Variants in FBXL17 observed in about 807,000 individuals in gnomAD.
FBXL17 encodes the protein F-box/LRR-repeat protein 17.
A neutral mutation model predicts 66.2 loss-of-function variants in FBXL17; 22 were observed. That is an observed-to-expected ratio of 0.33 (90% CI 0.24 to 0.47). The LOEUF (loss-of-function observed/expected upper bound fraction) is 0.47, where lower values mean the gene tolerates loss of function less well. Among genes scored for constraint, FBXL17 ranks in the 20% least tolerant of loss-of-function variants. The pLI, the probability that FBXL17 is intolerant of heterozygous loss-of-function variation, is 1.00. For synonymous variants in FBXL17, 474 were observed against 400.5 expected, an observed-to-expected ratio of 1.18 and a Z score of -2.19; for missense variants, 878 against 948.2, an observed-to-expected ratio of 0.93 and a Z score of 0.97.
intron 7 of FBXL17, among the ~76,000 whole-genome samples, chr5:107,932,471 C>G (rs770202888): frequency 6.6e-6 from 1 of 152,128 alleles, no homozygotes; most frequent in Non-Finnish European, 1.5e-5. Flanking sequence ...GTGCTCTTTA[C>G]TACTCAATCT....
chr5:108,157,899 C>T (rs1321711562), intron 6 of FBXL17, among the ~76,000 whole-genome samples: 2 of 151,856 alleles, frequency 1.3e-5, no homozygotes, highest in Non-Finnish European at 2.9e-5. Context: ...ATACTCATTG[C>T]CATTTTATTT....
intron 6 of FBXL17, among the ~76,000 whole-genome samples, chr5:108,061,086 AG>A (rs1164350021): frequency 2.0e-5 from 3 of 152,056 alleles, no homozygotes; most frequent in African/African-American, 7.2e-5. Flanking sequence ...CAGGAGTTCA[AG>A]GCCAGCCTGA....
chr5:108,274,475 T>C (rs1467087809), intron 4 of FBXL17, among the ~76,000 whole-genome samples: 1 of 152,186 alleles, frequency 6.6e-6, no homozygotes, highest in Non-Finnish European at 1.5e-5. Context: ...ACGTTGCTGT[T>C]ATCCTGTTCT....
At position 107,881,087 on chromosome 5, in the gene FBXL17, C is replaced by T; in HGVS notation, c.1915G>A (p.Ala639Thr). Reference protein sequence around the residue: ...EITDQGATLIAQSSKSLRYLG... With the variant: ...EITDQGATLITQSSKSLRYLG... ...TATCTCAGAGACTTGCTGCTCTGTG[C>T]AATCAGGGTGGCTCCTTGGTCTGTG... is the stretch of plus-strand genomic sequence containing the variant. Residue 639 changes from alanine (A) to threonine (T), a missense_variant, in exon 8 of 9, where the codon GCA (alanine) becomes ACA (threonine). Physicochemically the swap from Ala to Thr is moderately conservative, Grantham distance 58 (BLOSUM62 0). Transcript: ENST00000542267. 6.2e-7 allele frequency: 1 copy of T among 1,614,010 alleles called. No homozygotes were observed. The highest frequency in any genetic ancestry group is 8.5e-7 in the Non-Finnish European group (1 of 1,179,900).
chr5:108,348,985 T>C (rs1747468866), intron 3 of FBXL17, among the ~76,000 whole-genome samples: 1 of 152,008 alleles, frequency 6.6e-6, no homozygotes, highest in Non-Finnish European at 1.5e-5. Context: ...TTAAATTTTG[T>C]TGTAGAGCTA....
intron 4 of FBXL17, among the ~76,000 whole-genome samples, chr5:108,283,075 G>A (rs1322359753): frequency 1.3e-5 from 2 of 151,560 alleles, no homozygotes; most frequent in Non-Finnish European, 3.0e-5. Flanking sequence ...GGCCCACACT[G>A]CCTAAAACAA....
intron 1 of FBXL17, among the ~76,000 whole-genome samples, chr5:108,377,748 G>C (rs1019408324): frequency 6.6e-6 from 1 of 152,128 alleles, no homozygotes; most frequent in Non-Finnish European, 1.5e-5. Flanking sequence ...CATTTCTTGC[G>C]GATATTTTTA....
At chr5:107,941,117 G>GA (rs11304102) in intron 7 of FBXL17, among the ~76,000 whole-genome samples, 55 of 149,306 alleles carry the variant, frequency 3.7e-4, no homozygotes, top group East Asian at 3.2e-3. Context: ...TAAATCAAGT[G>GA]AAAAAAAAAA....
intron 6 of FBXL17, among the ~76,000 whole-genome samples, chr5:108,039,143 C>T (rs1377445564): frequency 6.6e-6 from 1 of 151,918 alleles, no homozygotes; most frequent in Non-Finnish European, 1.5e-5. Flanking sequence ...AGTTTTTGTT[C>T]TTTAATGAAG....
At chr5:107,870,122 C>T (rs957963540) in intron 8 of FBXL17, among the ~76,000 whole-genome samples, 3 of 152,024 alleles carry the variant, frequency 2.0e-5, no homozygotes, top group Non-Finnish European at 4.4e-5. Context: ...TGTAAAGCTA[C>T]CAGGAGAGTC....
chr5:107,880,651 C>T (rs538670428), intron 8 of FBXL17: 2 of 1,185,412 alleles, frequency 1.7e-6, no homozygotes, highest in African/African-American at 1.6e-5. Context: ...CTGTTCTTTC[C>T]ACCTTTACTG....
At chr5:108,034,404 G>T (rs1304667518) in intron 6 of FBXL17, among the ~76,000 whole-genome samples, 2 of 152,176 alleles carry the variant, frequency 1.3e-5, no homozygotes, top group African/African-American at 4.8e-5. Context: ...ATCACCGAAA[G>T]AATTCTTAAA....
At chr5:108,219,594 G>A (rs983937198) in intron 5 of FBXL17, among the ~76,000 whole-genome samples, 1 of 152,068 alleles carries the variant, frequency 6.6e-6, no homozygotes, top group Non-Finnish European at 1.5e-5. Flanking sequence ...GGCTGAGGCA[G>A]GAGAATTGCT....
chr5:108,125,882 G>A (rs952814502), intron 6 of FBXL17, among the ~76,000 whole-genome samples: 5 of 151,928 alleles, frequency 3.3e-5, no homozygotes, highest in Admixed American at 1.3e-4. Flanking sequence ...ATTTTTAGTC[G>A]TATATGCCCT....
At position 108,121,509 on chromosome 5, in the gene FBXL17, T is replaced by C. The variant is rs534216035; in HGVS notation, c.1745+64608A>G. Among the ~76,000 whole-genome samples, 18 of 152,272 alleles carry C rather than the reference T, an allele frequency of 1.2e-4. No individual in the cohort carries two copies. In the South Asian group the frequency reaches 2.9e-3, roughly 25 times the overall value. On this transcript the variant is annotated intron_variant, in intron 6 of 8. Transcript: ENST00000542267. ...ATGCATATTTTAATATAAATGTTTA[T>C]TATATGGAAGGAAAATGCTACATAA...
chr5:107,910,180 C>T (rs1013284261), intron 7 of FBXL17, among the ~76,000 whole-genome samples: 1 of 151,838 alleles, frequency 6.6e-6, no homozygotes, highest in Non-Finnish European at 1.5e-5. Flanking sequence ...AGGGGACAAA[C>T]TATTCAAGCA....
At chr5:108,184,980 C>A (rs920555012) in intron 6 of FBXL17, among the ~76,000 whole-genome samples, 1 of 152,062 alleles carries the variant, frequency 6.6e-6, no homozygotes. Flanking sequence ...TACAAATCTA[C>A]CTAATCAGTA....
intron 4 of FBXL17, among the ~76,000 whole-genome samples, chr5:108,296,116 G>A (rs1758340210): frequency 6.6e-6 from 1 of 151,802 alleles, no homozygotes. Flanking sequence ...GAGTTGTGAG[G>A]AGAAAAGAAA....
chr5:107,899,107 T>C (rs1437632840), intron 7 of FBXL17, among the ~76,000 whole-genome samples: 1 of 152,182 alleles, frequency 6.6e-6, no homozygotes, highest in Non-Finnish European at 1.5e-5. Context: ...GTGTTCCTAT[T>C]TCTCCACATC....
Sources: gnomAD v4.1 joint callset for allele counts (sites outside exome capture counted in the v4.1 genomes callset) on GRCh38, gnomAD v4.1.1 for gene constraint, MANE v1.5 for transcripts, NCBI Gene and HGNC (gene_info 2026-07-23, HGNC 2026-07-21) for gene names.